The following EVI5 variants were observed in gnomAD, a reference collection of about 807,000 sequenced individuals.
EVI5 encodes ecotropic viral integration site 5 protein homolog.
EVI5 carries 73 observed loss-of-function variants against 112.0 expected under a neutral mutation model. The observed-to-expected ratio is 0.65, with a 90% CI of 0.54 to 0.79. EVI5 has a LOEUF of 0.79. Ranked by LOEUF, EVI5 falls within the 30% of genes least tolerant of loss-of-function variation. EVI5 has a pLI of 0.00. For missense variants in EVI5, 900 were observed against 968.8 expected, an observed-to-expected ratio of 0.93 and a Z score of 0.94; for synonymous variants, 305 against 319.9, an observed-to-expected ratio of 0.95 and a Z score of 0.50.
intron 18 of EVI5, among the ~76,000 whole-genome samples, chr1:92,590,803 C>T (rs1571749219): frequency 1.3e-5 from 2 of 152,024 alleles, no homozygotes; most frequent in Admixed American, 6.5e-5. Flanking sequence ...CTCCAAGACA[C>T]GTAATTGTCA....
At chr1:92,544,651 T>C (rs1230808042) in intron 19 of EVI5, among the ~76,000 whole-genome samples, 1 of 152,192 alleles carries the variant, frequency 6.6e-6, no homozygotes, top group Non-Finnish European at 1.5e-5. Context: ...AATGCATTTG[T>C]AGTATTCACT....
chr1:92,779,279 T>C (rs1000067703), intron 1 of EVI5, among the ~76,000 whole-genome samples: 1 of 152,150 alleles, frequency 6.6e-6, no homozygotes, highest in Non-Finnish European at 1.5e-5. Context: ...TCCTAGCACT[T>C]TGGGAGGCCA....
chr1:92,688,094 T>C lies in EVI5; in HGVS notation c.1097+5708A>G, dbSNP rs552037560. 6.6e-5 allele frequency among the ~76,000 whole-genome samples: 10 copies of C among 152,330 alleles called. No homozygotes were observed. The South Asian group carries it at 1.9e-3, about 28-fold the overall frequency. On this transcript the variant is annotated intron_variant, in intron 9 of 19. Coordinates refer to ENST00000684568, the MANE Select transcript of EVI5 (RefSeq NM_001350197.2). The stretch of plus-strand genomic sequence containing the variant: ...AAGACACATGCACATGTATATTTAT[T>C]GCGGCACTATTTACAATAGCAAAGA...
At chr1:92,791,569 C>T (rs1307364528) in intron 1 of EVI5, among the ~76,000 whole-genome samples, 1 of 152,156 alleles carries the variant, frequency 6.6e-6, no homozygotes, top group African/African-American at 2.4e-5. Flanking sequence ...GATTTTGACA[C>T]CTGCTAATAG....
chr1:92,637,915 T>C (rs987552458), intron 13 of EVI5, among the ~76,000 whole-genome samples: 3 of 152,204 alleles, frequency 2.0e-5, no homozygotes, highest in African/African-American at 7.2e-5. Flanking sequence ...ATTGAAACAA[T>C]ATTTCAATAC....
intron 19 of EVI5, among the ~76,000 whole-genome samples, chr1:92,551,932 T>C (rs1667003772): frequency 6.6e-6 from 1 of 152,206 alleles, no homozygotes; most frequent in Non-Finnish European, 1.5e-5. Flanking sequence ...ATTTCCATTC[T>C]AATTGTCAAA....
intron 1 of EVI5, among the ~76,000 whole-genome samples, chr1:92,743,569 G>A (rs1037475332): frequency 1.3e-5 from 2 of 152,040 alleles, no homozygotes; most frequent in African/African-American, 4.8e-5. Flanking sequence ...TCTTTGGAAA[G>A]ATGAAAAAAT....
intron 1 of EVI5, among the ~76,000 whole-genome samples, chr1:92,766,851 GC>G (rs1354643246): frequency 1.3e-5 from 2 of 152,150 alleles, no homozygotes; most frequent in African/African-American, 4.8e-5. Flanking sequence ...GGAGGCCAAA[GC>G]AGGCGGATCA....
intron 1 of EVI5, among the ~76,000 whole-genome samples, chr1:92,766,038 C>T (rs763753121): frequency 6.6e-6 from 1 of 150,944 alleles, no homozygotes; most frequent in Non-Finnish European, 1.5e-5. Flanking sequence ...TTCAAGTTTA[C>T]AGTGAGCTAT....
chr1:92,673,360 G>C (rs1237643722), intron 10 of EVI5, among the ~76,000 whole-genome samples: 1 of 151,924 alleles, frequency 6.6e-6, no homozygotes, highest in Non-Finnish European at 1.5e-5. Flanking sequence ...TAGGGCTTTA[G>C]ATCTCTGCGT....
At chr1:92,791,982 C>T (rs1686135075) in intron 1 of EVI5, among the ~76,000 whole-genome samples, 1 of 152,200 alleles carries the variant, frequency 6.6e-6, no homozygotes, top group South Asian at 2.1e-4. Context: ...GAAGCCCATA[C>T]AGACATGCTA....
At chr1:92,748,533 T>C (rs1271985585) in intron 1 of EVI5, among the ~76,000 whole-genome samples, 3 of 152,228 alleles carry the variant, frequency 2.0e-5, no homozygotes, top group African/African-American at 7.2e-5. Context: ...AGTTTCATGG[T>C]GGTTTGTTAC....
upstream of EVI5, among the ~76,000 whole-genome samples, chr1:92,789,474 T>A (rs1685927108): frequency 6.6e-6 from 1 of 152,100 alleles, no homozygotes; most frequent in Non-Finnish European, 1.5e-5. Context: ...GGCTAATTTT[T>A]TGTATTTTTA....
At chr1:92,561,290 T>A (rs1292186138) in intron 19 of EVI5, among the ~76,000 whole-genome samples, 1 of 152,168 alleles carries the variant, frequency 6.6e-6, no homozygotes, top group South Asian at 2.1e-4. Flanking sequence ...TCCTTAATTC[T>A]ATCTGCAACA....
chr1:92,600,261 A>C (rs1377671374), intron 18 of EVI5, among the ~76,000 whole-genome samples: 2 of 152,188 alleles, frequency 1.3e-5, no homozygotes, highest in Non-Finnish European at 2.9e-5. Flanking sequence ...AATCATAAGG[A>C]AAGGCAAAAG....
chr1:92,791,437 T>A (rs1256414540), intron 1 of EVI5, among the ~76,000 whole-genome samples: 5 of 152,224 alleles, frequency 3.3e-5, no homozygotes, highest in Non-Finnish European at 5.9e-5. Flanking sequence ...GAATAATATA[T>A]GCCATGTGTA....
intron 14 of EVI5, among the ~76,000 whole-genome samples, chr1:92,630,242 C>T (rs1297160683): frequency 6.6e-6 from 1 of 152,198 alleles, no homozygotes; most frequent in Non-Finnish European, 1.5e-5. Flanking sequence ...GGAATCGCCA[C>T]ACTGACTTCC....
At chr1:92,658,445 C>G (rs1663400421) in intron 13 of EVI5, among the ~76,000 whole-genome samples, 1 of 152,122 alleles carries the variant, frequency 6.6e-6, no homozygotes, top group Admixed American at 6.5e-5. Flanking sequence ...AACAATCAAG[C>G]TGAGATCCAA....
chr1:92,635,462 G>A (rs749228385), intron 14 of EVI5, among the ~76,000 whole-genome samples: 6 of 152,180 alleles, frequency 3.9e-5, no homozygotes, highest in Non-Finnish European at 5.9e-5. Flanking sequence ...CTCTGTGAGC[G>A]TAGGACCCTC....
Sources: gnomAD v4.1 joint callset for allele counts (sites outside exome capture counted in the v4.1 genomes callset) on GRCh38, gnomAD v4.1.1 for gene constraint, MANE v1.5 for transcripts, NCBI Gene and HGNC (gene_info 2026-07-23, HGNC 2026-07-21) for gene names.